The following ACLY variants were observed in gnomAD, a reference collection of about 807,000 sequenced individuals.
ACLY encodes the protein ATP citrate lyase, also known as ATP-citrate synthase.
ACLY carries 41 observed loss-of-function variants against 133.0 expected under a neutral mutation model. That is an observed-to-expected ratio of 0.31 (90% CI 0.24 to 0.40). ACLY has a LOEUF of 0.40. Ranked by LOEUF, ACLY falls within the 10% of genes least tolerant of loss-of-function variation. The pLI is 1.00. For missense variants in ACLY, 1,046 were observed against 1,453.8 expected (o/e 0.72, Z 4.56); for synonymous variants, 495 against 549.3 (o/e 0.90, Z 1.38).
chr17:41,884,388 T>G, intron 18 of ACLY, 114 bp from the exon 19 acceptor site: 1 of 714,612 alleles, frequency 1.4e-6, no homozygotes, highest in Non-Finnish European at 2.5e-6. Flanking sequence ...GGGATGTGGA[T>G]GGCCAGTAAG....
chr17:41,901,791 T>G lies in ACLY; in HGVS notation c.1088A>C (p.Asp363Ala), dbSNP rs1322212763. Residue 363 changes from aspartate to alanine, a missense_variant, in exon 11 of 29, where the codon GAT becomes GCT. Asp to Ala is a moderately radical substitution (Grantham distance 126). Transcript: ENST00000352035. Reference sequence around the variant, plus strand: ...GTGCTCCTTCAGGGGGCCCTGGTAATCTCGAATTGCTCTCACGATGCCCTG... The same window carrying G: ...GTGCTCCTTCAGGGGGCCCTGGTAAGCTCGAATTGCTCTCACGATGCCCTG... ...TFKGIVRAIR[D>A]YQGPLKEHEV... The G allele has an allele frequency of 6.3e-7, 1 of 1,592,392 alleles. No individual in the cohort carries two copies. Among genetic ancestry groups the G allele is most frequent in the Admixed American group, 1.7e-5 (1 of 57,396 alleles).
At chr17:41,882,385 A>AT (rs2048941183) in intron 20 of ACLY, among the ~76,000 whole-genome samples, 1 of 148,610 alleles carries the variant, frequency 6.7e-6, no homozygotes, top group Non-Finnish European at 1.5e-5. Context: ...AAAAAAAAAA[A>AT]AAAAAAAAAA....
rs1449537913 is a variant in ACLY at position 41,886,317 on chromosome 17, G to A, written c.1876-9C>T. 1.9e-6 allele frequency: 3 copies of A among 1,594,558 alleles called. No homozygotes were observed. The African/African-American group carries it at 4.0e-5, about 21-fold the overall frequency. On this transcript the variant is annotated splice_polypyrimidine_tract_variant and intron_variant, in intron 17 of 28. Transcript: ENST00000352035. ...GGCTTGATGCCTCCAACCTGTGGGG[G>A]CAGAAACCACAATCAGGGAGGAAGG...
At chr17:41,906,491 C>G in intron 8 of ACLY, 37 bp downstream of exon 8, 1 of 1,574,164 alleles carries the variant, frequency 6.4e-7, no homozygotes, top group Non-Finnish European at 8.7e-7. Context: ...GCTGGGTAGA[C>G]TGGGCTGGCA....
At chr17:41,909,761 C>T (rs982983398) in intron 4 of ACLY, 61 bp from the exon 5 acceptor site, 9 of 1,497,766 alleles carry the variant, frequency 6.0e-6, no homozygotes, top group Admixed American at 5.5e-5. Flanking sequence ...TGGTGAGGGG[C>T]GCTGAACTGG....
chr17:41,869,487 AT>A lies in ACLY; in HGVS notation c.3037del (p.Ile1013LeufsTer11). ...TTTCTTTGTTACCTTCGAGGTGGTA[AT>A]CTTCTCTACTTCCAGTGCATAATCG... is the stretch of plus-strand genomic sequence containing the variant. ...LLDYALEVEK[I>X]TTSKKPNLIL... On this transcript the variant is annotated frameshift_variant, in exon 26 of 29. Coordinates refer to ENST00000352035, the MANE Select transcript of ACLY (RefSeq NM_001096.3). LOFTEE classifies it high-confidence loss of function. 6.2e-7 allele frequency: 1 copy of A among 1,613,676 alleles called. No individual in the cohort carries two copies. The highest frequency in any genetic ancestry group is 1.1e-5 in the South Asian group (1 of 91,070).
intron 1 of ACLY, among the ~76,000 whole-genome samples, chr17:41,917,652 G>GT (rs2050085855): frequency 6.6e-6 from 1 of 152,080 alleles, no homozygotes; most frequent in Non-Finnish European, 1.5e-5. Context: ...ACGTATGTAG[G>GT]TATTTATTTA....
At chr17:41,889,997 T>C (rs2049162042) in intron 16 of ACLY, among the ~76,000 whole-genome samples, 1 of 152,110 alleles carries the variant, frequency 6.6e-6, no homozygotes, top group Non-Finnish European at 1.5e-5. Context: ...TCTGATGCAG[T>C]AGTTCAACTT....
intron 6 of ACLY, 30 bp from the exon 7 acceptor site, chr17:41,907,602 C>T (rs1555632916): frequency 3.7e-6 from 6 of 1,609,076 alleles, no homozygotes; most frequent in Non-Finnish European, 4.3e-6. Flanking sequence ...AATCATCAGA[C>T]ACCGGCTCTG....
chr17:41,905,757 G>A (rs1186380277), intron 8 of ACLY, 99 bp from the exon 9 acceptor site: 3 of 1,468,298 alleles, frequency 2.0e-6, no homozygotes, highest in Non-Finnish European at 2.8e-6. Flanking sequence ...AAACACTGGA[G>A]TTAGCCTGTG....
chr17:41,913,565 A>G, intron 2 of ACLY, 150 bp downstream of exon 2: 1 of 822,848 alleles, frequency 1.2e-6, no homozygotes, highest in Non-Finnish European at 1.9e-6. Context: ...GCATGAACAC[A>G]AACCCTGCTC....
At chr17:41,927,592 A>G (rs2050258788) in intron 1 of ACLY, among the ~76,000 whole-genome samples, 1 of 152,136 alleles carries the variant, frequency 6.6e-6, no homozygotes, top group Admixed American at 6.5e-5. Flanking sequence ...TTGGGAGGCT[A>G]AGGTGGGTGG....
rs782817221 is a variant in ACLY at position 41,901,732 on chromosome 17, T to C, written c.1147A>G (p.Asn383Asp). ...ATCACCCGTAAGCCCTCCTGATAGT[T>C]GGGGCCACCTCTTCGGACAAAGATT... ...VTIFVRRGGP[N>D]YQEGLRVMGE... Residue 383 changes from asparagine (N) to aspartate (D), a missense_variant, in exon 11 of 29, where the codon AAC becomes GAC. Coordinates refer to ENST00000352035, the MANE Select transcript of ACLY (RefSeq NM_001096.3). 1.2e-6 allele frequency: 2 copies of C among 1,610,894 alleles called. No individual in the cohort carries two copies. The highest frequency in any genetic ancestry group is 8.5e-7 in the Non-Finnish European group (1 of 1,178,148).
chr17:41,901,685 C>A lies in ACLY; in HGVS notation c.1183+11G>T, dbSNP rs1555631630. On this transcript the variant is annotated intron_variant, in intron 11 of 28. Transcript: ENST00000352035. ...TCAGGGTGAGGGGGAGAGAAAAGGT[C>A]CTCATCTTACCGACTTCTCCCATCA... 6.2e-7 allele frequency: 1 copy of A among 1,608,348 alleles called. No individual in the cohort carries two copies. Among genetic ancestry groups the A allele is most frequent in the South Asian group, 1.1e-5 (1 of 90,716 alleles).
chr17:41,868,444 A>AAAG (rs1324672572), intron 28 of ACLY, among the ~76,000 whole-genome samples: 6 of 151,104 alleles, frequency 4.0e-5, no homozygotes, highest in Admixed American at 4.0e-4. Flanking sequence ...CTCAAAAAAA[A>AAAG]AAAAAAAAAT....
At position 41,892,417 on chromosome 17, in the gene ACLY, C is replaced by T. The variant is rs751690276; in HGVS notation, c.1632G>A (p.Gly544=). ...AGACAGGGATCAGGATCTCTTTGTG[C>T]CCCCAGTAAAACTTCTGCTTGTGGT... ...TGDHKQKFYW[G]HKEILIPVFK... is the part of the protein sequence containing the mutation. Residue 544 remains glycine (G), a synonymous_variant, in exon 16 of 29, where the codon GGG becomes GGA. Coordinates refer to ENST00000352035, the MANE Select transcript of ACLY (RefSeq NM_001096.3). The T allele has an allele frequency of 1.9e-6, 3 of 1,613,632 alleles. No homozygotes were observed. The highest frequency in any genetic ancestry group is 2.5e-6 in the Non-Finnish European group (3 of 1,179,884).
intron 3 of ACLY, 27 bp downstream of exon 3, chr17:41,912,393 G>C (rs147768074): frequency 1.2e-6 from 2 of 1,611,718 alleles, no homozygotes; most frequent in Non-Finnish European, 8.5e-7. Context: ...TACCACACAC[G>C]TTCATCCTGA....
intron 1 of ACLY, among the ~76,000 whole-genome samples, chr17:41,929,456 T>A (rs550268564): frequency 6.6e-6 from 1 of 152,264 alleles, no homozygotes; most frequent in South Asian, 2.1e-4. Context: ...ATATTACCCC[T>A]CTATGAACAT....
At chr17:41,881,983 T>C (rs1441035861) in intron 20 of ACLY, among the ~76,000 whole-genome samples, 2 of 152,192 alleles carry the variant, frequency 1.3e-5, no homozygotes, top group African/African-American at 4.8e-5. Flanking sequence ...TGTATCAACA[T>C]ATCAAGTTCC....
Sources: gnomAD v4.1 joint callset for allele counts (sites outside exome capture counted in the v4.1 genomes callset) on GRCh38, gnomAD v4.1.1 for gene constraint, MANE v1.5 for transcripts, NCBI Gene and HGNC (gene_info 2026-07-23, HGNC 2026-07-21) for gene names.